The following HS2ST1 variants were observed in gnomAD, a reference collection of about 807,000 sequenced individuals.
HS2ST1 encodes 2-O-sulfotransferase.
Under a neutral mutation model 42.9 loss-of-function variants are expected in HS2ST1, and 18 were observed. That is an observed-to-expected ratio of 0.42 (90% CI 0.29 to 0.62). The LOEUF (loss-of-function observed/expected upper bound fraction) is 0.62, where lower values mean the gene tolerates loss of function less well. Among genes scored for constraint, HS2ST1 ranks in the 20% least tolerant of loss-of-function variants. HS2ST1 has a pLI of 0.21. For synonymous variants in HS2ST1, 146 were observed against 152.9 expected (o/e 0.95, Z 0.33); for missense variants, 334 against 433.8 (o/e 0.77, Z 2.04).
chr1:87,050,861 C>T (rs1226775392), intron 1 of HS2ST1, among the ~76,000 whole-genome samples: 1 of 152,034 alleles, frequency 6.6e-6, no homozygotes, highest in Non-Finnish European at 1.5e-5. Flanking sequence ...CAGGAAAAAA[C>T]CTCTGAGGAT....
In HS2ST1 at chr1:86,944,915, C is replaced by T. The variant is rs984254508; in HGVS notation, c.124+29755C>T. On this transcript the variant is annotated intron_variant, in intron 1 of 6. Coordinates refer to ENST00000370550, the MANE Select transcript of HS2ST1 (RefSeq NM_012262.4). ...TACTCCGCTGTTTTTACCCCACTTC[C>T]ATTGTACGTTTAGCTTCAAACATAA... 2.0e-5 allele frequency among the ~76,000 whole-genome samples: 3 copies of T among 151,552 alleles called. No homozygotes were observed. In the East Asian group the frequency reaches 5.8e-4, roughly 29 times the overall value.
intron 1 of HS2ST1, among the ~76,000 whole-genome samples, chr1:87,021,323 C>G (rs894217585): frequency 2.0e-5 from 3 of 152,118 alleles, no homozygotes; most frequent in Non-Finnish European, 4.4e-5. Flanking sequence ...TTCATTAGTT[C>G]CCCCCTCTAG....
intron 3 of HS2ST1, among the ~76,000 whole-genome samples, chr1:87,086,553 C>T (rs1255283867): frequency 6.6e-6 from 1 of 151,886 alleles, no homozygotes; most frequent in Non-Finnish European, 1.5e-5. Context: ...TTATCAGAGA[C>T]ATTAAAACGA....
chr1:87,104,446 C>CT, intron 6 of HS2ST1, 24 bp from the exon 7 acceptor site: 1 of 1,467,678 alleles, frequency 6.8e-7, no homozygotes, highest in East Asian at 2.3e-5. Flanking sequence ...TTTACCTTTC[C>CT]TTTTTTTCCC....
intron 1 of HS2ST1, among the ~76,000 whole-genome samples, chr1:87,005,234 T>G (rs1570478452): frequency 6.6e-6 from 1 of 152,212 alleles, no homozygotes; most frequent in Non-Finnish European, 1.5e-5. Context: ...TCTGTACATG[T>G]TGGTTTTGTT....
intron 1 of HS2ST1, among the ~76,000 whole-genome samples, chr1:86,996,045 A>T (rs530724797): frequency 3.3e-4 from 50 of 152,300 alleles, no homozygotes; most frequent in African/African-American, 1.2e-3. Flanking sequence ...CTCTAAAAAG[A>T]TAGCCATTTT....
At chr1:87,024,215 G>C (rs572339002) in intron 1 of HS2ST1, among the ~76,000 whole-genome samples, 1 of 152,154 alleles carries the variant, frequency 6.6e-6, no homozygotes, top group South Asian at 2.1e-4. Context: ...GAATCAGGCA[G>C]ATCTGGCTGG....
intron 1 of HS2ST1, among the ~76,000 whole-genome samples, chr1:87,049,320 T>TTTTA (rs1015261523): frequency 5.3e-5 from 8 of 151,870 alleles, no homozygotes; most frequent in African/African-American, 1.2e-4. Context: ...TCAGTTTTAT[T>TTTTA]TTTATTTATT....
At chr1:86,923,872 CT>C (rs1413275186) in intron 1 of HS2ST1, among the ~76,000 whole-genome samples, 9 of 152,292 alleles carry the variant, frequency 5.9e-5, no homozygotes, top group Admixed American at 1.3e-4. Flanking sequence ...CATTCCACCC[CT>C]GGCCCCTCCC....
At chr1:87,081,634 AAAGC>A (rs1651692729) in intron 2 of HS2ST1, among the ~76,000 whole-genome samples, 1 of 152,220 alleles carries the variant, frequency 6.6e-6, no homozygotes, top group South Asian at 2.1e-4. Context: ...AAGAGCTAGA[AAAGC>A]AAGAGCAAAC....
At chr1:87,089,954 C>T (rs1159957883) in intron 3 of HS2ST1, among the ~76,000 whole-genome samples, 5 of 151,986 alleles carry the variant, frequency 3.3e-5, no homozygotes, top group Non-Finnish European at 5.9e-5. Flanking sequence ...GGAGATTATT[C>T]TCAAAGGAAT....
intron 1 of HS2ST1, among the ~76,000 whole-genome samples, chr1:86,931,105 C>A (rs778965881): frequency 5.9e-5 from 9 of 151,992 alleles, no homozygotes; most frequent in African/African-American, 4.8e-5. Flanking sequence ...TAGTATGTGA[C>A]GTGAAATATA....
intron 1 of HS2ST1, among the ~76,000 whole-genome samples, chr1:86,985,399 C>T (rs866861373): frequency 2.3e-4 from 8 of 34,208 alleles, no homozygotes; most frequent in African/African-American, 4.4e-4. Context: ...CACACACACA[C>T]ATATATATAC....
chr1:87,061,097 C>T (rs1651109614), intron 1 of HS2ST1, among the ~76,000 whole-genome samples: 1 of 151,912 alleles, frequency 6.6e-6, no homozygotes, highest in South Asian at 2.1e-4. Context: ...TAAGGGCCTA[C>T]AAAAATTTAT....
At chr1:86,975,181 A>G (rs565426898) in intron 1 of HS2ST1, among the ~76,000 whole-genome samples, 5 of 152,100 alleles carry the variant, frequency 3.3e-5, no homozygotes, top group African/African-American at 1.2e-4. Context: ...TAGAGAAAAA[A>G]GTTTTATACG....
At chr1:87,041,582 TAA>T (rs1314955074) in intron 1 of HS2ST1, among the ~76,000 whole-genome samples, 2 of 152,180 alleles carry the variant, frequency 1.3e-5, no homozygotes, top group East Asian at 3.9e-4. Context: ...TTATACACAT[TAA>T]CAGCAACTGC....
chr1:87,065,298 G>A (rs1182124407), intron 1 of HS2ST1, among the ~76,000 whole-genome samples: 1 of 152,186 alleles, frequency 6.6e-6, no homozygotes, highest in Non-Finnish European at 1.5e-5. Context: ...TAATGGCACT[G>A]AGCTTTTAGA....
chr1:87,038,928 T>TA (rs577554224), intron 1 of HS2ST1, among the ~76,000 whole-genome samples: 3 of 152,146 alleles, frequency 2.0e-5, no homozygotes, highest in African/African-American at 4.8e-5. Flanking sequence ...GCCGTTTTTT[T>TA]AAAAAAGTAA....
chr1:86,974,681 A>C (rs981601918), intron 1 of HS2ST1, among the ~76,000 whole-genome samples: 6 of 152,164 alleles, frequency 3.9e-5, no homozygotes, highest in Non-Finnish European at 5.9e-5. Flanking sequence ...AATTGGGTTA[A>C]ATTGTAGGAC....
Sources: allele counts gnomAD v4.1 joint callset (sites outside exome capture counted in the v4.1 genomes callset), GRCh38; gene constraint gnomAD v4.1.1; transcripts MANE v1.5; gene names NCBI Gene and HGNC (gene_info 2026-07-23, HGNC 2026-07-21).